Variants in OSBPL9 observed in about 807,000 individuals in gnomAD.
OSBPL9 encodes oxysterol binding protein like 9.
Under a neutral mutation model 106.6 loss-of-function variants are expected in OSBPL9, and 40 were observed. The observed-to-expected ratio is 0.38, with a 90% CI of 0.29 to 0.49. The LOEUF is 0.49. OSBPL9 is among the 20% of genes least tolerant of loss of function. The pLI is 0.97. For missense variants in OSBPL9, 609 were observed against 887.2 expected, an observed-to-expected ratio of 0.69 and a Z score of 3.98; for synonymous variants, 269 against 295.4, an observed-to-expected ratio of 0.91 and a Z score of 0.92.
intron 1 of OSBPL9, among the ~76,000 whole-genome samples, chr1:51,629,870 A>G (rs1304620507): frequency 6.6e-6 from 1 of 151,942 alleles, no homozygotes; most frequent in Non-Finnish European, 1.5e-5. Flanking sequence ...AATTGCTTGA[A>G]ACTGGGAGTT....
chr1:51,560,358 C>T, the OSBPL9 span, among the ~76,000 whole-genome samples: 1 of 152,150 alleles, frequency 6.6e-6, no homozygotes, highest in South Asian at 2.1e-4. Flanking sequence ...GGACATGTCG[C>T]TTGGTGTTTC....
Position 51,786,631 on chromosome 1 carries a change from G to A in OSBPL9, c.2000+14G>A. On this transcript the variant is annotated intron_variant, in intron 22 of 23. Transcript: ENST00000428468. ...TGAATCCCGCAGGTAAGCCGACATT[G>A]TTAAGTGGAACTATTGCTGCAGTGC... is the stretch of plus-strand genomic sequence containing the variant. 6.3e-7 allele frequency: 1 copy of A among 1,599,304 alleles called. No individual in the cohort carries two copies. Among genetic ancestry groups the A allele is most frequent in the Non-Finnish European group, 8.6e-7 (1 of 1,167,210 alleles).
chr1:51,548,248 T>C, the OSBPL9 span, among the ~76,000 whole-genome samples: 44 of 152,152 alleles, frequency 2.9e-4, no homozygotes, highest in South Asian at 3.7e-3. Flanking sequence ...TTTCTTTTTG[T>C]TTGGTTTGGA....
intron 4 of OSBPL9, among the ~76,000 whole-genome samples, chr1:51,737,609 T>C (rs535958823): frequency 1.0e-3 from 158 of 150,496 alleles, no homozygotes; most frequent in Admixed American, 2.3e-3. Flanking sequence ...AAACTTCTAG[T>C]GCGTAAGTAA....
upstream of OSBPL9, among the ~76,000 whole-genome samples, chr1:51,616,561 TAGC>T (rs1644063821): frequency 6.6e-6 from 1 of 152,212 alleles, no homozygotes; most frequent in Non-Finnish European, 1.5e-5. Context: ...GAATTTAAAA[TAGC>T]AGTCCCAGCG....
chr1:51,648,316 G>A (rs148266696), intron 1 of OSBPL9, among the ~76,000 whole-genome samples: 9 of 152,328 alleles, frequency 5.9e-5, no homozygotes, highest in African/African-American at 2.2e-4. Flanking sequence ...ACTGGCAGCT[G>A]GGACTTTCCT....
chr1:51,780,616 T>C (rs1676150839), intron 15 of OSBPL9, among the ~76,000 whole-genome samples: 1 of 151,932 alleles, frequency 6.6e-6, no homozygotes, highest in Non-Finnish European at 1.5e-5. Context: ...GACTCAGGAA[T>C]GAAAAACCAA....
chr1:51,569,553 A>G, the OSBPL9 span: 1 of 152,200 alleles, frequency 6.6e-6, no homozygotes, highest in Non-Finnish European at 1.5e-5. Flanking sequence ...CTTACCAAAC[A>G]TGATGTGATA....
At chr1:51,742,903 TAAGAC>T (rs1032550685) in intron 4 of OSBPL9, among the ~76,000 whole-genome samples, 6 of 152,198 alleles carry the variant, frequency 3.9e-5, no homozygotes, top group African/African-American at 9.6e-5. Flanking sequence ...ATGAGATACT[TAAGAC>T]AAGACTAGAT....
rs1645219612 is a variant in OSBPL9, at chr1:51,581,130, G to T, written c.-423+3874G>T. On this transcript the variant is annotated intron_variant, in intron 1 of 25. Transcript: ENST00000371714. ...TATAGAGATGGGGTTTCACCATGTTGCCCAGGTTGGCCTCAAACTCCTGGG... is the reference window on the plus strand; with the variant it reads ...TATAGAGATGGGGTTTCACCATGTTTCCCAGGTTGGCCTCAAACTCCTGGG... Among the ~76,000 whole-genome samples the T allele has an allele frequency of 2.0e-5, 3 of 148,554 alleles. No homozygotes were observed. In the South Asian group the frequency reaches 6.4e-4, roughly 32 times the overall value.
intron 1 of OSBPL9, among the ~76,000 whole-genome samples, chr1:51,624,416 C>G (rs1177719962): frequency 6.6e-6 from 1 of 151,662 alleles, no homozygotes; most frequent in Non-Finnish European, 1.5e-5. Context: ...GGTAAAACCC[C>G]GTCTGTACTA....
At chr1:51,755,221 T>G (rs754188178) in intron 8 of OSBPL9, among the ~76,000 whole-genome samples, 10 of 152,094 alleles carry the variant, frequency 6.6e-5, no homozygotes, top group Admixed American at 1.3e-4. Flanking sequence ...TCACCAAGAT[T>G]GTACTCTAGG....
At chr1:51,620,477 A>G (rs555800301) in intron 1 of OSBPL9, among the ~76,000 whole-genome samples, 1 of 152,300 alleles carries the variant, frequency 6.6e-6, no homozygotes, top group Non-Finnish European at 1.5e-5. Flanking sequence ...AGGGGGATAC[A>G]TAGGTGGGCT....
intron 2 of OSBPL9, among the ~76,000 whole-genome samples, chr1:51,599,478 T>C (rs1338733730): frequency 1.3e-5 from 2 of 152,176 alleles, no homozygotes; most frequent in Admixed American, 6.5e-5. Flanking sequence ...GTTAAATGAA[T>C]AGATGAATTT....
rs1678283683 is a variant in OSBPL9, at chr1:51,788,724, G to A, written c.*935G>A. ...TGTTTTATTGCCTTAGAGGGTTTGGGAAGAGTGTGTATTTATAGATCCCCA... is the reference window on the plus strand; with the variant it reads ...TGTTTTATTGCCTTAGAGGGTTTGGAAAGAGTGTGTATTTATAGATCCCCA... On this transcript the variant is annotated 3_prime_UTR_variant, in exon 24 of 24. Transcript: ENST00000428468. Among the ~76,000 whole-genome samples the A allele has an allele frequency of 6.6e-6, 1 of 152,032 alleles. No individual in the cohort carries two copies. Among genetic ancestry groups the A allele is most frequent in the South Asian group, 2.1e-4 (1 of 4,826 alleles).
At chr1:51,711,440 G>GGGCGGCTGGCC (rs1659828207) in intron 3 of OSBPL9, among the ~76,000 whole-genome samples, 1 of 139,690 alleles carries the variant, frequency 7.2e-6, no homozygotes, top group Non-Finnish European at 1.6e-5. Flanking sequence ...CCTCCTGGAC[G>GGGCGGCTGGCC]GGGCGGCTGG....
chr1:51,736,787 C>A (rs1053512535), intron 4 of OSBPL9, among the ~76,000 whole-genome samples: 1 of 152,066 alleles, frequency 6.6e-6, no homozygotes, highest in Non-Finnish European at 1.5e-5. Flanking sequence ...GAATATTTTT[C>A]TTTCATCCTG....
At chr1:51,616,454 C>T (rs1172884114), upstream of OSBPL9, among the ~76,000 whole-genome samples, 1 of 152,166 alleles carries the variant, frequency 6.6e-6, no homozygotes, top group Non-Finnish European at 1.5e-5. Context: ...ATTTGCTATT[C>T]CTTCGTCTTG....
chr1:51,710,082 G>C (rs1240201490), intron 3 of OSBPL9: 3 of 152,188 alleles, frequency 2.0e-5, no homozygotes, highest in Non-Finnish European at 4.4e-5. Context: ...GGCTGAGGTA[G>C]GCTCTAGAAA....
Sources: allele counts gnomAD v4.1 joint callset (sites outside exome capture counted in the v4.1 genomes callset), GRCh38; gene constraint gnomAD v4.1.1; transcripts MANE v1.5; gene names NCBI Gene and HGNC (gene_info 2026-07-23, HGNC 2026-07-21).